SUGCT: variants seen among roughly 807,000 people sequenced by gnomAD.
SUGCT encodes the protein succinyl-CoA:glutarate-CoA transferase.
A neutral mutation model predicts 55.0 loss-of-function variants in SUGCT; 41 were observed. That is an observed-to-expected ratio of 0.74 (90% confidence interval 0.58 to 0.97). The LOEUF (loss-of-function observed/expected upper bound fraction) is 0.97, where lower values mean the gene tolerates loss of function less well. Ranked by LOEUF, SUGCT falls within the 50% of genes least tolerant of loss-of-function variation. The probability of loss-of-function intolerance (pLI) is 0.00; values close to 1 mark genes in which losing one functional copy is unlikely to be tolerated. For missense variants in SUGCT, 568 were observed against 547.8 expected (o/e 1.04, Z -0.37); for synonymous variants, 187 against 200.4 (o/e 0.93, Z 0.56).
chr7:40,746,575 A>G (rs908514263), intron 12 of SUGCT, among the ~76,000 whole-genome samples: 4 of 152,358 alleles, frequency 2.6e-5, no homozygotes, highest in Middle Eastern at 3.4e-3. Context: ...ATGGTTTTCA[A>G]TGCAAAGGCA....
chr7:40,854,424 CTTTCTTTCTTTCTTTCTTTCTTT>C, intron 13 of SUGCT, among the ~76,000 whole-genome samples: 1 of 115,002 alleles, frequency 8.7e-6, no homozygotes, highest in East Asian at 2.2e-4. Flanking sequence ...TCTTTCCTTT[CTTTCTTTCTTTCTTTCTTTCTTT>C]CTTTCTTTCT....
At chr7:41,037,881 G>A in the SUGCT span, among the ~76,000 whole-genome samples, 1 of 151,974 alleles carries the variant, frequency 6.6e-6, no homozygotes, top group Middle Eastern at 3.2e-3. Flanking sequence ...GTTGGAAACT[G>A]CAATAAGATT....
intron 9 of SUGCT, among the ~76,000 whole-genome samples, chr7:40,429,856 G>A (rs1028469356): frequency 2.0e-5 from 3 of 152,024 alleles, no homozygotes; most frequent in African/African-American, 7.2e-5. Context: ...CCTCTCTTTT[G>A]TTCTGTATCT....
the SUGCT span, among the ~76,000 whole-genome samples, chr7:40,980,361 C>T: frequency 6.6e-6 from 1 of 152,130 alleles, no homozygotes; most frequent in African/African-American, 2.4e-5. Context: ...TATTGCATCC[C>T]TTTTGCCCCC....
the SUGCT span, among the ~76,000 whole-genome samples, chr7:41,008,599 G>A: frequency 2.0e-5 from 3 of 151,786 alleles, no homozygotes; most frequent in Admixed American, 6.6e-5. Flanking sequence ...TGCCTGTATC[G>A]CACCTCAAGG....
At chr7:40,782,272 T>A (rs78868512) in intron 13 of SUGCT, among the ~76,000 whole-genome samples, 15,054 of 152,154 alleles carry the variant, frequency 0.099, 781 homozygotes, top group Middle Eastern at 0.17. Context: ...TTATCCTTAT[T>A]ATTACATATC....
chr7:40,369,493 G>A (rs540611160), intron 9 of SUGCT, among the ~76,000 whole-genome samples: 4 of 151,940 alleles, frequency 2.6e-5, no homozygotes, highest in Non-Finnish European at 5.9e-5. Flanking sequence ...GATGTATAAC[G>A]CTTAAAACAT....
chr7:40,962,152 G>A, the SUGCT span, among the ~76,000 whole-genome samples: 3 of 152,144 alleles, frequency 2.0e-5, no homozygotes, highest in African/African-American at 7.2e-5. Context: ...GCTGATTGGT[G>A]CATTTACAAA....
rs918482774 is a variant in SUGCT at position 40,213,154 on chromosome 7, C to T, written c.484+18094C>T. ...TTATCTTATCAATTACTGAGAAAGA[C>T]GCGTTAAAATCTTTATTATTCAAAT... On this transcript the variant is annotated intron_variant, in intron 6 of 13. Coordinates refer to ENST00000335693, the MANE Select transcript of SUGCT (RefSeq NM_001193313.2). 5.9e-5 allele frequency among the ~76,000 whole-genome samples: 9 copies of T among 152,032 alleles called. No homozygotes were observed. The South Asian group carries it at 6.2e-4, about 10-fold the overall frequency.
the SUGCT span, among the ~76,000 whole-genome samples, chr7:40,915,715 C>G: frequency 1.8e-4 from 28 of 152,174 alleles, no homozygotes; most frequent in African/African-American, 6.8e-4. Context: ...ACAGGCAGCC[C>G]TTCCCATTCC....
At chr7:40,515,969 G>A (rs1583875796) in intron 12 of SUGCT, among the ~76,000 whole-genome samples, 1 of 152,072 alleles carries the variant, frequency 6.6e-6, no homozygotes, top group Non-Finnish European at 1.5e-5. Context: ...TCATAACTTT[G>A]CCAACACTTC....
At chr7:40,323,781 C>A (rs929358132) in intron 9 of SUGCT, among the ~76,000 whole-genome samples, 1 of 152,176 alleles carries the variant, frequency 6.6e-6, no homozygotes, top group African/African-American at 2.4e-5. Flanking sequence ...TTCATCTATT[C>A]CTGGCCTGCA....
intron 12 of SUGCT, among the ~76,000 whole-genome samples, chr7:40,525,710 T>C (rs1793758992): frequency 6.6e-6 from 1 of 152,160 alleles, no homozygotes; most frequent in African/African-American, 2.4e-5. Context: ...GATAGAGTTA[T>C]AGAACTAAAT....
the SUGCT span, among the ~76,000 whole-genome samples, chr7:40,958,055 T>C: frequency 3.3e-5 from 5 of 152,194 alleles, no homozygotes; most frequent in African/African-American, 2.4e-5. Flanking sequence ...GGCCTCCCTT[T>C]GTGGGTAACT....
At chr7:40,534,918 C>T (rs1794283227) in intron 12 of SUGCT, among the ~76,000 whole-genome samples, 1 of 151,986 alleles carries the variant, frequency 6.6e-6, no homozygotes, top group African/African-American at 2.4e-5. Context: ...AAGAGATTTT[C>T]CCCAAAACTG....
intron 6 of SUGCT, among the ~76,000 whole-genome samples, chr7:40,201,262 T>G (rs1054305499): frequency 7.3e-5 from 11 of 151,396 alleles, no homozygotes; most frequent in Non-Finnish European, 1.2e-4. Flanking sequence ...AGAGGCAGAG[T>G]GGAGTAAAAT....
intron 13 of SUGCT, among the ~76,000 whole-genome samples, chr7:40,845,696 G>GA (rs1338685173): frequency 6.6e-6 from 1 of 152,112 alleles, no homozygotes; most frequent in Non-Finnish European, 1.5e-5. Context: ...AGGTGAAAGG[G>GA]AAAAACTAAG....
chr7:40,482,594 G>C (rs1366532029), intron 11 of SUGCT, among the ~76,000 whole-genome samples: 1 of 152,136 alleles, frequency 6.6e-6, no homozygotes, highest in African/African-American at 2.4e-5. Flanking sequence ...GCAGCCTCTG[G>C]TGTGAGGTGT....
chr7:40,432,949 G>A (rs1330764813), intron 9 of SUGCT, among the ~76,000 whole-genome samples: 1 of 151,496 alleles, frequency 6.6e-6, no homozygotes, highest in South Asian at 2.1e-4. Flanking sequence ...CTATGGATCC[G>A]CTTGATGGTA....
Sources: allele counts gnomAD v4.1 joint callset (sites outside exome capture counted in the v4.1 genomes callset), GRCh38; gene constraint gnomAD v4.1.1; transcripts MANE v1.5; gene names NCBI Gene and HGNC (gene_info 2026-07-23, HGNC 2026-07-21).